OXTR: variants seen among roughly 807,000 people sequenced by gnomAD.
OXTR encodes oxytocin receptor.
OXTR carries 19 observed loss-of-function variants against 23.9 expected under a neutral mutation model. The ratio of observed to expected loss-of-function variants is 0.80; its 90% confidence interval spans 0.56 to 1.17. The LOEUF (loss-of-function observed/expected upper bound fraction) is 1.17, where lower values mean the gene tolerates loss of function less well. OXTR is among the 50% of genes most tolerant of loss of function. The pLI is 0.00. For synonymous variants in OXTR, 278 were observed against 250.5 expected (o/e 1.11, Z -1.04); for missense variants, 500 against 550.7 (o/e 0.91, Z 0.92).
chr3:8,766,828 C>T (rs1448863619), intron 3 of OXTR, among the ~76,000 whole-genome samples: 3 of 152,170 alleles, frequency 2.0e-5, no homozygotes, highest in South Asian at 4.1e-4. Flanking sequence ...TTCATCTTAA[C>T]GTGAACTTAA....
At chr3:8,742,372 AAAG>A in the OXTR span, 317 of 345,680 alleles carry the variant, frequency 9.2e-4, no homozygotes, top group South Asian at 2.0e-3. Context: ...AAAAAAAAAA[AAAG>A]AAGAAGAAGA....
chr3:8,766,747 T>C (rs34880121), intron 3 of OXTR, among the ~76,000 whole-genome samples: 94,939 of 151,680 alleles, frequency 0.63, 30,508 homozygotes, highest in African/African-American at 0.76. Context: ...AAATTGCCAC[T>C]CCTGCAAGGC....
At chr3:8,764,738 G>A (rs73132848) in intron 3 of OXTR, among the ~76,000 whole-genome samples, 13,576 of 152,248 alleles carry the variant, frequency 0.089, 989 homozygotes, top group African/African-American at 0.2. Flanking sequence ...CATCACCTCT[G>A]TGTTTGATGA....
At chr3:8,745,663 G>A (rs775458945), downstream of OXTR, 2 of 1,614,126 alleles carry the variant, frequency 1.2e-6, no homozygotes, top group South Asian at 2.2e-5. The surrounding 1 kb of genome is among the most constrained non-coding windows in gnomAD (Gnocchi z 4.8). Flanking sequence ...GCGTCCCACT[G>A]GCCCTGCTCT....
downstream of OXTR, chr3:8,746,071 C>T: frequency 1.8e-6 from 1 of 567,362 alleles, no homozygotes; most frequent in Admixed American, 3.0e-5. Flanking sequence ...CTCCCCCAGC[C>T]CCACCATGAT....
At chr3:8,754,200 T>G (rs1349363410) in intron 3 of OXTR, among the ~76,000 whole-genome samples, 2 of 152,160 alleles carry the variant, frequency 1.3e-5, no homozygotes, top group Admixed American at 1.3e-4. Context: ...CAGGCAAAGT[T>G]AATGATCAGA....
intron 3 of OXTR, among the ~76,000 whole-genome samples, chr3:8,757,615 AG>A (rs1483012509): frequency 2.0e-5 from 3 of 152,138 alleles, no homozygotes; most frequent in Non-Finnish European, 4.4e-5. Flanking sequence ...CCGCTGGAAG[AG>A]CCAGTTCTAA....
chr3:8,761,419 G>A (rs772784403), intron 3 of OXTR, among the ~76,000 whole-genome samples: 1 of 152,160 alleles, frequency 6.6e-6, no homozygotes, highest in Non-Finnish European at 1.5e-5. Context: ...CCATGGATCT[G>A]AGGCAGGTCC....
chr3:8,754,479 C>T (rs545528817), intron 3 of OXTR, among the ~76,000 whole-genome samples: 1 of 152,348 alleles, frequency 6.6e-6, no homozygotes, highest in Admixed American at 6.5e-5. Flanking sequence ...AGTCTTCCTT[C>T]TGTCTGCTCT....
At chr3:8,758,344 A>G (rs959990033) in intron 3 of OXTR, among the ~76,000 whole-genome samples, 1 of 152,126 alleles carries the variant, frequency 6.6e-6, no homozygotes, top group African/African-American at 2.4e-5. Flanking sequence ...TCCTGAGGCT[A>G]CCGGCACGTT....
At chr3:8,754,993 T>A (rs1021277694) in intron 3 of OXTR, among the ~76,000 whole-genome samples, 19 of 152,300 alleles carry the variant, frequency 1.2e-4, no homozygotes, top group African/African-American at 4.6e-4. Context: ...AAATGATCAA[T>A]ATTACTAAAT....
chr3:8,749,099 A>G (rs1708212699), downstream of OXTR, among the ~76,000 whole-genome samples: 3 of 152,118 alleles, frequency 2.0e-5, no homozygotes, highest in Admixed American at 2.0e-4. Context: ...GAAACAACTG[A>G]ACCCAAGGTA....
chr3:8,746,089 T>C (rs1553614494), downstream of OXTR: 3 of 531,418 alleles, frequency 5.6e-6, no homozygotes, highest in South Asian at 5.4e-5. Context: ...GATGCCCCCA[T>C]GCCTGGGCGT....
chr3:8,748,928 C>G (rs1422574679), downstream of OXTR, among the ~76,000 whole-genome samples: 1 of 152,060 alleles, frequency 6.6e-6, no homozygotes, highest in Non-Finnish European at 1.5e-5. Flanking sequence ...TCAGAGTTTC[C>G]ACGTTCACTT....
In OXTR at chr3:8,761,502, C is replaced by T. The variant is rs1009363478; in HGVS notation, c.922+5764G>A. The stretch of plus-strand genomic sequence containing the variant: ...CATCGGGAAAACTGCTGGCCTGGGG[C>T]GGCAGGGGTTGGGGTCGTCATGCAG... On this transcript the variant is annotated intron_variant, in intron 3 of 3. Transcript: ENST00000316793. Among the ~76,000 whole-genome samples the T allele has an allele frequency of 6.1e-5, 7 of 113,886 alleles. No homozygotes were observed. The East Asian group carries it at 1.0e-3, about 17-fold the overall frequency. The allele number at this position is 113,886 out of a possible 152,430, so 74.7% of individuals were successfully genotyped here.
rs200080129 is a variant in OXTR at position 8,767,801 on chromosome 3, C to A, written c.387G>T (p.Leu129=). Residue 129 remains leucine (L), a synonymous_variant, in exon 3 of 4, where the codon CTG becomes CTT. Coordinates refer to ENST00000316793, the MANE Select transcript of OXTR (RefSeq NM_000916.4). The part of the protein sequence containing the change: ...QVVGMFASTY[L]LLLMSLDRCL... ...AGCGGTCCAGGGACATGAGCAGCAG[C>A]AGGTAGGTGGAGGCGAACATGCCCA... 32 of 1,609,512 alleles carry A rather than the reference C, an allele frequency of 2.0e-5. No homozygotes were observed. In the South Asian group the frequency reaches 3.4e-4, roughly 17 times the overall value.
chr3:8,742,632 T>C, the OXTR span: 5 of 428,078 alleles, frequency 1.2e-5, no homozygotes, highest in African/African-American at 8.1e-5. Flanking sequence ...CACTGAGCAA[T>C]ATTACCATCA....
rs751207381 is a variant in OXTR, at chr3:8,752,961, G to A, written c.*16C>T. 1 of 1,605,668 alleles carries A rather than the reference G, an allele frequency of 6.2e-7. No homozygotes were observed. The highest frequency in any genetic ancestry group is 1.1e-5 in the South Asian group (1 of 90,068). On this transcript the variant is annotated 3_prime_UTR_variant, in exon 4 of 4. Coordinates refer to ENST00000316793, the MANE Select transcript of OXTR (RefSeq NM_000916.4). ...AGCCTGAGCCTCAGGCTGCAGCCCT[G>A]GCCCTGGCTGGTGGGTCACGCCGTG... is the stretch of plus-strand genomic sequence containing the variant.
the OXTR span, among the ~76,000 whole-genome samples, chr3:8,745,246 T>C: frequency 6.6e-6 from 1 of 152,126 alleles, no homozygotes; most frequent in Non-Finnish European, 1.5e-5. The surrounding 1 kb of genome is among the most constrained non-coding windows in gnomAD (Gnocchi z 4.8). Context: ...TAGCCATGGT[T>C]GAAAGCTCCC....
Sources: gnomAD v4.1 joint callset for allele counts (sites outside exome capture counted in the v4.1 genomes callset) on GRCh38, gnomAD v4.1.1 for gene constraint, Gnocchi (gnomAD v3.1) non-coding constraint, MANE v1.5 for transcripts, NCBI Gene and HGNC (gene_info 2026-07-23, HGNC 2026-07-21) for gene names.